Variants in HAS3 observed in about 807,000 individuals in gnomAD.
HAS3 encodes the protein HA synthase 3.
A neutral mutation model predicts 50.3 loss-of-function variants in HAS3; 27 were observed. That is an observed-to-expected ratio of 0.54 (90% CI 0.40 to 0.74). The LOEUF (loss-of-function observed/expected upper bound fraction) is 0.74. Ranked by LOEUF, HAS3 falls within the 30% of genes least tolerant of loss-of-function variation. The probability of loss-of-function intolerance (pLI) is 0.00; values close to 1 mark genes in which losing one functional copy is unlikely to be tolerated. For synonymous variants in HAS3, 339 were observed against 310.9 expected, an observed-to-expected ratio of 1.09 and a Z score of -0.95; for missense variants, 517 against 742.8, an observed-to-expected ratio of 0.70 and a Z score of 3.53.
rs1344801352 is a variant in HAS3, at chr16:69,117,530, T to C, written c.*2264T>C. On this transcript the variant is annotated 3_prime_UTR_variant, in exon 4 of 4. Transcript: ENST00000569188. ...CCTCATTGAGAATTCAAATCCTCTT[T>C]TGTATTGTTTCTACAATAATTTGTA... 5 of 927,468 alleles carry C rather than the reference T, an allele frequency of 5.4e-6. No individual in the cohort carries two copies. Among genetic ancestry groups the C allele is most frequent in the South Asian group, 5.0e-5 (1 of 20,098 alleles). 57.5% of individuals were successfully genotyped at this position (927,468 alleles called of 1,614,324 possible). A position where few individuals can be genotyped will look rare whatever the true frequency, so the allele number is the denominator to read the frequency against.
chr16:69,104,615 A>G (rs1432366684), upstream of HAS3, among the ~76,000 whole-genome samples: 1 of 151,958 alleles, frequency 6.6e-6, no homozygotes, highest in South Asian at 2.1e-4. Flanking sequence ...TTTAATTTTA[A>G]TTTTTGTAGA....
In HAS3 at chr16:69,116,129, C is replaced by G. The variant is rs747151702; in HGVS notation, c.*863C>G. The G allele has an allele frequency of 1.2e-4, 118 of 985,242 alleles. No homozygotes were observed. Among genetic ancestry groups the G allele is most frequent in the Non-Finnish European group, 1.4e-4 (117 of 829,852 alleles). The allele number at this position is 985,242 out of a possible 1,614,324, so 61.0% of individuals were successfully genotyped here. ...GAAGTGAAGTCTTGGGTATTTTAAC[C>G]TGTATACTCTTGAATTCCTCTCAAA... On this transcript the variant is annotated 3_prime_UTR_variant, in exon 4 of 4. Transcript: ENST00000569188.
chr16:69,115,511 C>T lies in HAS3; in HGVS notation c.*245C>T, dbSNP rs1597100336. The T allele has an allele frequency of 8.1e-7, 1 of 1,233,432 alleles. No homozygotes were observed. 76.4% of individuals were successfully genotyped at this position (1,233,432 alleles called of 1,614,324 possible). On this transcript the variant is annotated 3_prime_UTR_variant, in exon 4 of 4. Coordinates refer to ENST00000569188, the MANE Select transcript of HAS3 (RefSeq NM_001199280.2). ...TCTGTGTTTTCAGACTGCCTGTCTG[C>T]TTGCATCTGCACATAGGCAGTAGCC...
At position 69,114,627 on chromosome 16, in the gene HAS3, A is replaced by G. The variant is rs1418372963; in HGVS notation, c.1023A>G (p.Thr341=). The G allele has an allele frequency of 6.2e-7, 1 of 1,614,070 alleles. No individual in the cohort carries two copies. Among genetic ancestry groups the G allele is most frequent in the Non-Finnish European group, 8.5e-7 (1 of 1,180,004 alleles). The change falls in exon 4 of 4, where the codon ACA becomes ACG. Residue 341 remains threonine (T), a synonymous_variant. Coordinates refer to ENST00000569188, the MANE Select transcript of HAS3 (RefSeq NM_001199280.2). This position sits in a 1 kb window ranked among gnomAD's most constrained non-coding sequence, Gnocchi z 6.4. The part of the protein sequence containing the change: ...TKYTARSKCL[T]ETPTKYLRWL... ...ATACCGCGCGCTCCAAGTGCCTCAC[A>G]GAGACCCCCACTAAGTACCTCCGGT...
chr16:69,118,253 G>A, downstream of HAS3: 1 of 751,704 alleles, frequency 1.3e-6, no homozygotes, highest in Non-Finnish European at 2.4e-6. Context: ...CCACCTCTAA[G>A]TCCCAGGAGA....
chr16:69,112,473 G>A (rs564627564), intron 2 of HAS3, among the ~76,000 whole-genome samples: 1 of 152,282 alleles, frequency 6.6e-6, no homozygotes, highest in Non-Finnish European at 1.5e-5. Context: ...GTGGGGTTGT[G>A]GTGTCAGAGG....
chr16:69,092,462 G>T, the HAS3 span, among the ~76,000 whole-genome samples: 2 of 151,970 alleles, frequency 1.3e-5, no homozygotes, highest in East Asian at 1.9e-4. Context: ...AATTAGCGAG[G>T]TGTGGTGGTA....
chr16:69,091,732 A>G, the HAS3 span, among the ~76,000 whole-genome samples: 1 of 152,236 alleles, frequency 6.6e-6, no homozygotes, highest in Non-Finnish European at 1.5e-5. Flanking sequence ...TTAGTGGCTT[A>G]TAATTACTAG....
At chr16:69,090,824 C>T in the HAS3 span, among the ~76,000 whole-genome samples, 2 of 152,184 alleles carry the variant, frequency 1.3e-5, no homozygotes, top group East Asian at 1.9e-4. Context: ...CCACCTGCCT[C>T]GGCCTCCCAA....
At chr16:69,103,003 A>ATGTGTGTGTGTGTG (rs35175934), upstream of HAS3, among the ~76,000 whole-genome samples, 205 of 138,778 alleles carry the variant, frequency 1.5e-3, no homozygotes, top group Admixed American at 2.3e-3. Context: ...TGGAGTGTGC[A>ATGTGTGTGTGTGTG]TGTGTGTGTG....
chr16:69,104,855 T>G (rs572161473), upstream of HAS3, among the ~76,000 whole-genome samples: 1 of 152,216 alleles, frequency 6.6e-6, no homozygotes, highest in East Asian at 1.9e-4. Context: ...GGCAGGCAAG[T>G]CCCTGAGCCC....
intron 1 of HAS3, among the ~76,000 whole-genome samples, chr16:69,108,010 GT>G (rs552063987): frequency 2.7e-4 from 41 of 152,244 alleles, no homozygotes; most frequent in Non-Finnish European, 5.7e-4. Flanking sequence ...AGGAAAGTGT[GT>G]TTGTTTTGGG....
the HAS3 span, among the ~76,000 whole-genome samples, chr16:69,090,288 C>T: frequency 6.6e-6 from 1 of 152,174 alleles, no homozygotes; most frequent in Non-Finnish European, 1.5e-5. Context: ...GCCCTCCAGT[C>T]TGAGGAGTGG....
chr16:69,094,497 T>C, the HAS3 span, among the ~76,000 whole-genome samples: 1 of 152,102 alleles, frequency 6.6e-6, no homozygotes, highest in African/African-American at 2.4e-5. Flanking sequence ...TTTTTGCTGT[T>C]CCAAGATTTC....
chr16:69,109,715 C>G lies in HAS3; in HGVS notation c.320C>G (p.Ser107Trp). Residue 107 changes from serine (S) to tryptophan (W), a missense_variant, in exon 2 of 4, where the codon TCG becomes TGG. Physicochemically the swap from Ser to Trp is radical, Grantham distance 177. Coordinates refer to ENST00000569188, the MANE Select transcript of HAS3 (RefSeq NM_001199280.2). The surrounding 1 kb of genome is among the most constrained non-coding windows in gnomAD (Gnocchi z 5.3). ...DPDYLRKCLRSAQRISFPDLK... is the reference protein window; with the variant it reads ...DPDYLRKCLRWAQRISFPDLK... ...GACTACTTGCGCAAGTGCCTGCGCT[C>G]GGCCCAGCGCATCTCCTTCCCTGAC... The G allele has an allele frequency of 6.2e-7, 1 of 1,610,656 alleles. No homozygotes were observed. The highest frequency in any genetic ancestry group is 8.5e-7 in the Non-Finnish European group (1 of 1,179,836).
Position 69,114,193 on chromosome 16 carries a change from G to A in HAS3, c.739-150G>A. The stretch of plus-strand genomic sequence containing the variant: ...GGGATTGTGTGTGGTTGGCTCCTCT[G>A]AGCCTCAGGTTTCCCAGCTCCAAAG... On this transcript the variant is annotated intron_variant, in intron 3 of 3. Transcript: ENST00000569188. The surrounding 1 kb of genome is among the most constrained non-coding windows in gnomAD (Gnocchi z 6.4). The A allele has an allele frequency of 8.4e-7, 1 of 1,191,830 alleles. No homozygotes were observed. The highest frequency in any genetic ancestry group is 1.2e-6 in the Non-Finnish European group (1 of 864,530). The allele number at this position is 1,191,830 out of a possible 1,614,324, so 73.8% of individuals were successfully genotyped here. A position where few individuals can be genotyped will look rare whatever the true frequency, so the allele number is the denominator to read the frequency against.
At chr16:69,102,783 A>C (rs989903919), upstream of HAS3, among the ~76,000 whole-genome samples, 2 of 152,216 alleles carry the variant, frequency 1.3e-5, no homozygotes, top group Non-Finnish European at 2.9e-5. Flanking sequence ...GCCTTGGGAC[A>C]CAGTTGGAGT....
rs149097421 is a variant in HAS3, at chr16:69,109,883, C to T, written c.488C>T (p.Thr163Met). 30 of 1,613,722 alleles carry T rather than the reference C, an allele frequency of 1.9e-5. No homozygotes were observed. The highest frequency in any genetic ancestry group is 3.3e-4 in the Middle Eastern group (2 of 6,084). Residue 163 changes from threonine (T) to methionine (M), a missense_variant, in exon 2 of 4, where the codon ACG (threonine) becomes ATG (methionine). Transcript: ENST00000569188. This position sits in a 1 kb window ranked among gnomAD's most constrained non-coding sequence, Gnocchi z 5.3. Reference protein sequence around the residue: ...SNFHEAGEGETEASLQEGMDR... With the variant: ...SNFHEAGEGEMEASLQEGMDR... ...TTCCATGAGGCAGGCGAGGGTGAGA[C>T]GGAGGCCAGCCTGCAGGAGGGCATG...
upstream of HAS3, among the ~76,000 whole-genome samples, chr16:69,102,662 A>G (rs552925860): frequency 2.6e-5 from 4 of 152,352 alleles, no homozygotes; most frequent in South Asian, 6.2e-4. Flanking sequence ...ATGAGGTTCT[A>G]TCTGGACCCA....
Sources: allele counts gnomAD v4.1 joint callset (sites outside exome capture counted in the v4.1 genomes callset), GRCh38; gene constraint gnomAD v4.1.1; non-coding constraint Gnocchi (gnomAD v3.1); transcripts MANE v1.5; gene names NCBI Gene and HGNC (gene_info 2026-07-23, HGNC 2026-07-21).